Variants in EFCAB6 observed in about 807,000 individuals in gnomAD.
The protein encoded by EFCAB6 is EF-hand calcium-binding domain-containing protein 6.
A neutral mutation model predicts 169.8 loss-of-function variants in EFCAB6; 156 were observed. The observed-to-expected ratio is 0.92, with a 90% CI of 0.81 to 1.05. The LOEUF (loss-of-function observed/expected upper bound fraction) is 1.05, where lower values mean the gene tolerates loss of function less well. EFCAB6 is among the 50% of genes least tolerant of loss of function. The pLI is 0.00. For missense variants in EFCAB6, 1,800 were observed against 1,829.1 expected, an observed-to-expected ratio of 0.98 and a Z score of 0.29; for synonymous variants, 698 against 676.4, an observed-to-expected ratio of 1.03 and a Z score of -0.50.
chr22:43,661,337 A>G (rs192245886), intron 17 of EFCAB6, among the ~76,000 whole-genome samples: 58 of 152,316 alleles, frequency 3.8e-4, no homozygotes, highest in Non-Finnish European at 7.2e-4. Context: ...TGATCGCACC[A>G]TTGCACTCCA....
intron 3 of EFCAB6, among the ~76,000 whole-genome samples, chr22:43,773,622 C>T (rs368505877): frequency 1.2e-4 from 19 of 152,216 alleles, no homozygotes; most frequent in South Asian, 4.1e-4. Flanking sequence ...CCGAGGCAGG[C>T]GGATCACCTG....
chr22:43,770,794 A>G (rs917904152), intron 4 of EFCAB6, among the ~76,000 whole-genome samples: 1 of 152,184 alleles, frequency 6.6e-6, no homozygotes, highest in Admixed American at 6.5e-5. Flanking sequence ...AAAATTTGAG[A>G]AAATTATGGC....
intron 20 of EFCAB6, among the ~76,000 whole-genome samples, chr22:43,618,122 A>C (rs1402959366): frequency 8.3e-6 from 1 of 120,378 alleles, no homozygotes; most frequent in Non-Finnish European, 1.7e-5. Context: ...TCTCAAAAAA[A>C]AAAAAGAAAG....
chr22:43,540,461 GCACT>G, intron 27 of EFCAB6, 104 bp from the exon 28 acceptor site: 1 of 1,582,154 alleles, frequency 6.3e-7, no homozygotes, highest in Middle Eastern at 1.7e-4. Context: ...CAGGAGGTGA[GCACT>G]CACGTGACTG....
chr22:43,684,395 T>C (rs1475160253), intron 11 of EFCAB6, among the ~76,000 whole-genome samples: 1 of 152,106 alleles, frequency 6.6e-6, no homozygotes, highest in Admixed American at 6.5e-5. Context: ...GGCCCGTCAG[T>C]GTACATGTGT....
At chr22:43,750,621 T>C (rs1450832012) in intron 6 of EFCAB6, among the ~76,000 whole-genome samples, 1 of 152,180 alleles carries the variant, frequency 6.6e-6, no homozygotes, top group African/African-American at 2.4e-5. Flanking sequence ...GTAAATGGCC[T>C]CATTTTGAGC....
intron 31 of EFCAB6, 74 bp from the exon 32 acceptor site, chr22:43,529,049 G>T (rs1458697425): frequency 1.2e-5 from 17 of 1,474,730 alleles, no homozygotes; most frequent in Non-Finnish European, 1.5e-5. Flanking sequence ...GCCAGGAAGG[G>T]GCTGGGGGAC....
chr22:43,634,477 C>T (rs912511569), intron 18 of EFCAB6, among the ~76,000 whole-genome samples: 16 of 152,284 alleles, frequency 1.1e-4, no homozygotes, highest in African/African-American at 3.6e-4. Context: ...TCCTGCATTC[C>T]ACCCTGCCAG....
chr22:43,755,977 G>A, intron 5 of EFCAB6, 145 bp from the exon 6 acceptor site: 3 of 800,076 alleles, frequency 3.7e-6, no homozygotes, highest in Non-Finnish European at 5.6e-6. Flanking sequence ...GTCTGCAGGA[G>A]CATGAAACTG....
chr22:43,675,393 A>T, intron 13 of EFCAB6, among the ~76,000 whole-genome samples: 1 of 116,842 alleles, frequency 8.6e-6, no homozygotes, highest in African/African-American at 3.1e-5. Context: ...ATACTATAAT[A>T]TATAATATAA....
chr22:43,789,762 G>A (rs542705937), intron 2 of EFCAB6, among the ~76,000 whole-genome samples: 3 of 151,782 alleles, frequency 2.0e-5, no homozygotes, highest in African/African-American at 7.3e-5. Context: ...TACTCTCAAC[G>A]TAAGAGTGAA....
At chr22:43,765,109 C>T (rs886792489) in intron 5 of EFCAB6, among the ~76,000 whole-genome samples, 196 bp downstream of exon 5, 2 of 152,142 alleles carry the variant, frequency 1.3e-5, no homozygotes, top group African/African-American at 2.4e-5. Flanking sequence ...TTTTGAAATA[C>T]ATCCTATATA....
At chr22:43,785,019 A>G (rs1247215078) in intron 2 of EFCAB6, among the ~76,000 whole-genome samples, 15 of 152,194 alleles carry the variant, frequency 9.9e-5, no homozygotes, top group Admixed American at 9.8e-4. Context: ...ACCTAACAAG[A>G]GCCCCAATAT....
chr22:43,690,604 G>A (rs900370348), intron 10 of EFCAB6, among the ~76,000 whole-genome samples: 3 of 151,494 alleles, frequency 2.0e-5, no homozygotes, highest in Non-Finnish European at 1.5e-5. Flanking sequence ...GGATAGAAAC[G>A]ACACTCCTTC....
At chr22:43,669,823 C>T (rs1434930653) in intron 15 of EFCAB6, among the ~76,000 whole-genome samples, 2 of 152,166 alleles carry the variant, frequency 1.3e-5, no homozygotes, top group Non-Finnish European at 2.9e-5. Context: ...GGTCTGAGGA[C>T]ACTTCCAGAG....
intron 26 of EFCAB6, among the ~76,000 whole-genome samples, chr22:43,555,459 C>T (rs2048650360): frequency 6.6e-6 from 1 of 152,230 alleles, no homozygotes; most frequent in Admixed American, 6.5e-5. Context: ...TGCGAGCCTT[C>T]CCTGAGAGGC....
At chr22:43,662,172 A>AT (rs2057037677) in intron 17 of EFCAB6, among the ~76,000 whole-genome samples, 2 of 139,734 alleles carry the variant, frequency 1.4e-5, no homozygotes, top group Non-Finnish European at 3.0e-5. Flanking sequence ...TAATAATAAT[A>AT]ATAATAATAA....
chr22:43,650,584 AC>A (rs1736380882), intron 17 of EFCAB6, among the ~76,000 whole-genome samples: 1 of 152,244 alleles, frequency 6.6e-6, no homozygotes, highest in South Asian at 2.1e-4. Flanking sequence ...CTGAAAAGAT[AC>A]CTGAAAATGT....
intron 23 of EFCAB6, among the ~76,000 whole-genome samples, chr22:43,598,322 A>AAAAAAAAAAAAAAAAAAAAC (rs2052204703): frequency 1.5e-5 from 2 of 130,236 alleles, no homozygotes; most frequent in Non-Finnish European, 3.3e-5. Context: ...AAAAAAAAAA[A>AAAAAAAAAAAAAAAAAAAAC]AAAAAAAAAA....
Sources: allele counts gnomAD v4.1 joint callset (sites outside exome capture counted in the v4.1 genomes callset), GRCh38; gene constraint gnomAD v4.1.1; transcripts MANE v1.5; gene names NCBI Gene and HGNC (gene_info 2026-07-23, HGNC 2026-07-21).